Variants in STAM observed in about 807,000 individuals in gnomAD.
STAM encodes the protein signal transducing adapter molecule 1.
In STAM, 16 loss-of-function variants were observed where a neutral mutation model predicts 63.4. The observed-to-expected ratio is 0.25, with a 90% CI of 0.17 to 0.38. The LOEUF (loss-of-function observed/expected upper bound fraction) is 0.38, where lower values mean the gene tolerates loss of function less well. Among genes scored for constraint, STAM ranks in the 10% least tolerant of loss-of-function variants. STAM has a pLI of 1.00. For synonymous variants in STAM, 238 were observed against 223.9 expected, an observed-to-expected ratio of 1.06 and a Z score of -0.56; for missense variants, 636 against 657.1, an observed-to-expected ratio of 0.97 and a Z score of 0.35.
chr10:17,665,546 C>T (rs369913599), intron 2 of STAM, among the ~76,000 whole-genome samples: 15 of 151,974 alleles, frequency 9.9e-5, no homozygotes, highest in African/African-American at 3.4e-4. Flanking sequence ...TACTTATTGA[C>T]TACTTATTGT....
intron 1 of STAM, among the ~76,000 whole-genome samples, chr10:17,645,358 A>G (rs1833479751): frequency 6.6e-6 from 1 of 152,202 alleles, no homozygotes; most frequent in South Asian, 2.1e-4. Flanking sequence ...TAATTATGAA[A>G]GGTGGATGTT....
chr10:17,705,843 G>A, intron 12 of STAM, 102 bp downstream of exon 12: 1 of 1,137,894 alleles, frequency 8.8e-7, no homozygotes, highest in Non-Finnish European at 1.2e-6. Flanking sequence ...CAAGGCAAGA[G>A]GATTGCTTGA....
At chr10:17,693,507 G>GT (rs1236738570) in intron 6 of STAM, among the ~76,000 whole-genome samples, 195 bp downstream of exon 6, 16 of 152,140 alleles carry the variant, frequency 1.1e-4, no homozygotes, top group African/African-American at 3.9e-4. Context: ...TTTTATGACA[G>GT]TTTTTTACTA....
intron 5 of STAM, among the ~76,000 whole-genome samples, chr10:17,691,127 T>G (rs966861380): frequency 1.3e-5 from 2 of 152,214 alleles, no homozygotes; most frequent in South Asian, 4.1e-4. Flanking sequence ...TAAAACATTA[T>G]CTAAAGAAAA....
intron 2 of STAM, among the ~76,000 whole-genome samples, chr10:17,664,147 C>T (rs66927489): frequency 0.11 from 16,791 of 151,924 alleles, 1,670 homozygotes; most frequent in African/African-American, 0.27. Context: ...CATGCATAAG[C>T]GTTTACAGAA....
chr10:17,709,257 A>G (rs1836446287), intron 13 of STAM, among the ~76,000 whole-genome samples: 2 of 152,310 alleles, frequency 1.3e-5, no homozygotes, highest in Middle Eastern at 3.4e-3. Flanking sequence ...AATGTCTTTA[A>G]TGAAATTTAT....
chr10:17,668,377 T>A (rs1197036020), intron 2 of STAM, among the ~76,000 whole-genome samples: 1 of 152,232 alleles, frequency 6.6e-6, no homozygotes, highest in Non-Finnish European at 1.5e-5. Flanking sequence ...ATTTCCCCAA[T>A]TATTCACATA....
At position 17,709,220 on chromosome 10, in the gene STAM, T is replaced by A. The variant is rs148141141; in HGVS notation, c.1385+269T>A. On this transcript the variant is annotated intron_variant, in intron 13 of 13. Transcript: ENST00000377524. Reference sequence around the variant, plus strand: ...CTCTAACCATAAGTTTTTATTGTTGTTTTTATTTGCATCTATGATATTTGA... The same window carrying A: ...CTCTAACCATAAGTTTTTATTGTTGATTTTATTTGCATCTATGATATTTGA... Among the ~76,000 whole-genome samples the A allele has an allele frequency of 5.9e-5, 9 of 152,340 alleles. No homozygotes were observed. In the East Asian group the frequency reaches 1.7e-3, roughly 29 times the overall value.
intron 11 of STAM, 122 bp from the exon 12 acceptor site, chr10:17,705,466 A>C: frequency 8.5e-7 from 1 of 1,179,056 alleles, no homozygotes; most frequent in South Asian, 1.7e-5. Context: ...TTATAAGTGA[A>C]ATTTTTAATA....
intron 2 of STAM, among the ~76,000 whole-genome samples, chr10:17,669,615 G>T (rs1424158412): frequency 6.6e-6 from 1 of 151,020 alleles, no homozygotes; most frequent in Non-Finnish European, 1.5e-5. Flanking sequence ...GTAATGTTTC[G>T]TCTGAGGTAT....
chr10:17,708,872 T>C lies in STAM; in HGVS notation c.1306T>C (p.Ser436Pro), dbSNP rs782606823. Residue 436 changes from serine (S) to proline (P), a missense_variant, in exon 13 of 14, where the codon TCT (serine) becomes CCT (proline). By Grantham distance (74) the Ser-to-Pro change is moderately conservative. This residue lies in a region of STAM where 532 missense variants were observed against 536.9 expected (regional missense o/e 0.99). Coordinates refer to ENST00000377524, the MANE Select transcript of STAM (RefSeq NM_003473.4). ...QSYSLPPEQL[S>P]SLSQAVVPPS... ...CTACAGTCTTCCCCCGGAGCAGCTG[T>C]CTTCTCTCAGCCAGGCAGTGGTCCC... 1.9e-6 allele frequency: 3 copies of C among 1,614,142 alleles called. No individual in the cohort carries two copies. The highest frequency in any genetic ancestry group is 2.5e-6 in the Non-Finnish European group (3 of 1,179,990).
At chr10:17,652,009 G>GT (rs1211387555) in intron 1 of STAM, among the ~76,000 whole-genome samples, 2 of 152,174 alleles carry the variant, frequency 1.3e-5, no homozygotes, top group East Asian at 3.9e-4. Flanking sequence ...CTCTGTGTAT[G>GT]TTTTTTCTGG....
intron 10 of STAM, 84 bp from the exon 11 acceptor site, chr10:17,704,886 C>A (rs887270585): frequency 1.1e-5 from 13 of 1,156,278 alleles, no homozygotes; most frequent in Non-Finnish European, 1.5e-5. Context: ...ATCTTTTATT[C>A]CTTAAATTAT....
intron 8 of STAM, 81 bp downstream of exon 8, chr10:17,696,950 A>G (rs1835785398): frequency 8.5e-7 from 1 of 1,172,230 alleles, no homozygotes; most frequent in Non-Finnish European, 1.3e-6. Flanking sequence ...AACTTTTTAG[A>G]GCAGTGTTGC....
intron 2 of STAM, among the ~76,000 whole-genome samples, chr10:17,663,336 G>A (rs1834249588): frequency 6.6e-6 from 1 of 151,842 alleles, no homozygotes; most frequent in South Asian, 2.1e-4. Flanking sequence ...TTAGACACAT[G>A]CTCATTTTTT....
chr10:17,676,808 C>A (rs189954413), intron 2 of STAM, among the ~76,000 whole-genome samples: 74 of 152,140 alleles, frequency 4.9e-4, no homozygotes, highest in African/African-American at 1.7e-3. Context: ...AGTATACTCA[C>A]GTTAAATTCA....
intron 5 of STAM, among the ~76,000 whole-genome samples, chr10:17,689,457 A>G (rs1328266744): frequency 6.6e-6 from 1 of 152,224 alleles, no homozygotes; most frequent in Non-Finnish European, 1.5e-5. Context: ...AGAGGAAGGA[A>G]GCAAAGGACA....
Position 17,696,815 on chromosome 10 carries a change from G to T in STAM, c.769G>T (p.Gly257Trp). The change falls in exon 8 of 14, where the codon GGG becomes TGG. Residue 257 changes from glycine (G) to tryptophan (W), a missense_variant. Around this residue, in one of 3 missense-constraint regions of STAM, gnomAD observed 532 missense variants for 536.9 expected, o/e 0.99. Transcript: ENST00000377524. Reference protein sequence around the residue: ...WWKGETHQGIGLFPSNFVTAD... With the variant: ...WWKGETHQGIWLFPSNFVTAD... ...GAAAGGTGAAACCCATCAAGGCATA[G>T]GGTTATTTCCTTCTAATTTTGTGAC... The T allele has an allele frequency of 6.2e-7, 1 of 1,614,144 alleles. No homozygotes were observed. Among genetic ancestry groups the T allele is most frequent in the Non-Finnish European group, 8.5e-7 (1 of 1,179,984 alleles).
intron 1 of STAM, among the ~76,000 whole-genome samples, chr10:17,659,292 A>G (rs1416249656): frequency 3.3e-5 from 5 of 152,050 alleles, no homozygotes; most frequent in Non-Finnish European, 7.4e-5. Context: ...TTCTACTTAC[A>G]TGGAAGCATA....
Sources: gnomAD v4.1 joint callset for allele counts (sites outside exome capture counted in the v4.1 genomes callset) on GRCh38, gnomAD v4.1.1 for gene constraint, gnomAD v4.1.1 regional missense constraint, MANE v1.5 for transcripts, NCBI Gene and HGNC (gene_info 2026-07-23, HGNC 2026-07-21) for gene names.